Variants in DENND4A observed in about 807,000 individuals in gnomAD.
DENND4A encodes DENN domain containing 4A, also known as C-myc promoter-binding protein.
Under a neutral mutation model 199.3 loss-of-function variants are expected in DENND4A, and 70 were observed. The ratio of observed to expected loss-of-function variants is 0.35; its 90% CI spans 0.29 to 0.43. The LOEUF (loss-of-function observed/expected upper bound fraction) is 0.43. DENND4A is among the 20% of genes least tolerant of loss of function. The pLI is 1.00. For synonymous variants in DENND4A, 686 were observed against 766.9 expected (o/e 0.89, Z 1.74); for missense variants, 1,723 against 2,255.8 (o/e 0.76, Z 4.78).
intron 11 of DENND4A, chr15:65,727,870 T>C: frequency 2.6e-6 from 1 of 379,420 alleles, no homozygotes; most frequent in East Asian, 8.3e-5. Flanking sequence ...AACTTACATA[T>C]AAATTCAGTG....
At chr15:65,680,116 C>T (rs1274820131) in intron 23 of DENND4A, among the ~76,000 whole-genome samples, 1 of 152,250 alleles carries the variant, frequency 6.6e-6, no homozygotes, top group East Asian at 1.9e-4. Flanking sequence ...CCTAACTATT[C>T]CTTAAGTAGT....
chr15:65,671,650 A>G, intron 25 of DENND4A, 142 bp downstream of exon 25: 3 of 585,390 alleles, frequency 5.1e-6, no homozygotes, highest in Non-Finnish European at 9.0e-6. Flanking sequence ...TTGGCCTCCC[A>G]AAGTGCTGGG....
Position 65,756,473 on chromosome 15 carries a change from C to A in DENND4A, c.-22-1G>T. ...CATCTTCCATTACAGAAGGTTACAT[C>A]TAAAAGGAAAGTAAAAGACTAGTAC... On this transcript the variant is annotated splice_acceptor_variant, in intron 2 of 32. Transcript: ENST00000443035. LOFTEE classifies it low-confidence loss of function (5UTR_SPLICE). 1 of 1,569,400 alleles carries A rather than the reference C, an allele frequency of 6.4e-7. No homozygotes were observed. The highest frequency in any genetic ancestry group is 1.2e-5 in the South Asian group (1 of 82,532).
In DENND4A at chr15:65,756,348, A is replaced by G. The variant is rs1049583915; in HGVS notation, c.103T>C (p.Cys35Arg). The change falls in exon 3 of 33, where the codon TGT becomes CGT. Residue 35 changes from cysteine (C) to arginine (R), a missense_variant. This residue lies in a region of DENND4A where 725 missense variants were observed against 952.9 expected (regional missense o/e 0.76). Transcript: ENST00000443035. ...TCTTTTGGTTTAGCTACTTTATGAC[A>G]AGCATCATTGAAGTGAATTTCTTCT... ...LEEEIHFNDA[C>R]HKVAKPKEPI... 3 of 1,613,910 alleles carry G rather than the reference A, an allele frequency of 1.9e-6. No homozygotes were observed. The highest frequency in any genetic ancestry group is 1.7e-6 in the Non-Finnish European group (2 of 1,179,846).
In DENND4A at chr15:65,717,997, C is replaced by T; in HGVS notation, c.1589-1G>A. The T allele has an allele frequency of 6.3e-7, 1 of 1,589,316 alleles. No homozygotes were observed. Among genetic ancestry groups the T allele is most frequent in the Non-Finnish European group, 8.6e-7 (1 of 1,165,898 alleles). On this transcript the variant is annotated splice_acceptor_variant, in intron 12 of 32. Coordinates refer to ENST00000443035, the MANE Select transcript of DENND4A (RefSeq NM_001320835.1). LOFTEE classifies it high-confidence loss of function. ...CCATCATCTCTCGGTCTCTGCTGCA[C>T]TGTGAAGACATACAGTGTTAGTGTT...
intron 23 of DENND4A, among the ~76,000 whole-genome samples, chr15:65,681,694 G>A (rs1387657998): frequency 1.3e-5 from 2 of 151,094 alleles, no homozygotes; most frequent in African/African-American, 4.9e-5. Context: ...TCCCACCTCC[G>A]CTTCCTGAGT....
intron 1 of DENND4A, among the ~76,000 whole-genome samples, chr15:65,762,499 C>T (rs868657138): frequency 1.3e-5 from 2 of 151,804 alleles, no homozygotes; most frequent in South Asian, 2.1e-4. Flanking sequence ...CAGGGTGGCA[C>T]GTGCCTGTAG....
chr15:65,705,741 GAA>G (rs933894689), intron 15 of DENND4A, among the ~76,000 whole-genome samples: 6 of 151,754 alleles, frequency 4.0e-5, no homozygotes, highest in African/African-American at 1.5e-4. Context: ...TGTATGAGAT[GAA>G]AAGAGGAATT....
At chr15:65,762,591 T>G (rs1309968144) in intron 1 of DENND4A, among the ~76,000 whole-genome samples, 1 of 152,180 alleles carries the variant, frequency 6.6e-6, no homozygotes, top group Non-Finnish European at 1.5e-5. Context: ...ATCACACCAC[T>G]GTGCTCCAGC....
At chr15:65,706,289 G>A in intron 14 of DENND4A, 65 bp from the exon 15 acceptor site, 1 of 1,377,324 alleles carries the variant, frequency 7.3e-7, no homozygotes. Flanking sequence ...TCATATAAAG[G>A]GAAGTGGTTA....
chr15:65,696,824 CT>C, intron 21 of DENND4A: 1 of 247,694 alleles, frequency 4.0e-6, no homozygotes, highest in South Asian at 5.4e-5. Context: ...TTTTTTTTTT[CT>C]TTTTTCAGGT....
chr15:65,674,879 G>A (rs2076326333), intron 24 of DENND4A, among the ~76,000 whole-genome samples: 2 of 152,144 alleles, frequency 1.3e-5, no homozygotes, highest in Non-Finnish European at 2.9e-5. Context: ...AACTCATTGA[G>A]GAAGGAGAAA....
chr15:65,675,462 C>CA (rs993754066), intron 24 of DENND4A, among the ~76,000 whole-genome samples: 14 of 149,378 alleles, frequency 9.4e-5, no homozygotes, highest in African/African-American at 2.5e-4. Flanking sequence ...TTACATATGG[C>CA]AAAAAAAACA....
chr15:65,772,079 A>G, intron 1 of DENND4A: 1 of 1,088,486 alleles, frequency 9.2e-7, no homozygotes, highest in South Asian at 1.3e-5. Flanking sequence ...CGCGGTTGCC[A>G]GCATTCAGAG....
At chr15:65,731,740 A>G in intron 8 of DENND4A, 40 bp from the exon 9 acceptor site, 1 of 1,423,526 alleles carries the variant, frequency 7.0e-7, no homozygotes, top group African/African-American at 1.4e-5. Context: ...AAACATAAAG[A>G]TGAACTTTAA....
At chr15:65,676,379 T>G (rs753894531) in intron 24 of DENND4A, 66 bp downstream of exon 24, 1 of 1,282,480 alleles carries the variant, frequency 7.8e-7, no homozygotes, top group Non-Finnish European at 1.1e-6. Context: ...AAGAAAAAAG[T>G]GAAAGTGTCA....
intron 27 of DENND4A, among the ~76,000 whole-genome samples, chr15:65,668,746 G>A (rs575231690): frequency 6.6e-6 from 1 of 152,078 alleles, no homozygotes; most frequent in East Asian, 1.9e-4. Flanking sequence ...GTTTGAACCT[G>A]GGAGGCAAAG....
At chr15:65,708,731 A>G (rs1282030554) in intron 14 of DENND4A, among the ~76,000 whole-genome samples, 1 of 152,196 alleles carries the variant, frequency 6.6e-6, no homozygotes, top group Non-Finnish European at 1.5e-5. Flanking sequence ...CTCAGAAAAC[A>G]CTGGAAAGGG....
intron 18 of DENND4A, 81 bp from the exon 19 acceptor site, chr15:65,701,273 A>C (rs1184418352): frequency 1.6e-6 from 2 of 1,225,130 alleles, no homozygotes; most frequent in East Asian, 5.5e-5. Flanking sequence ...TAAGCTAAAG[A>C]ATATCAAAGT....
Sources: allele counts gnomAD v4.1 joint callset (sites outside exome capture counted in the v4.1 genomes callset), GRCh38; gene constraint gnomAD v4.1.1; regional missense constraint gnomAD v4.1.1; transcripts MANE v1.5; gene names NCBI Gene and HGNC (gene_info 2026-07-23, HGNC 2026-07-21).